NEDD4L: variants seen among roughly 807,000 people sequenced by gnomAD.
NEDD4L encodes the protein E3 ubiquitin-protein ligase NEDD4-like.
NEDD4L carries 54 observed loss-of-function variants against 148.9 expected under a neutral mutation model. The observed-to-expected ratio is 0.36, with a 90% CI of 0.29 to 0.45. The LOEUF (loss-of-function observed/expected upper bound fraction) is 0.45, where lower values mean the gene tolerates loss of function less well. Ranked by LOEUF, NEDD4L falls within the 20% of genes least tolerant of loss-of-function variation. The pLI, the probability that NEDD4L is intolerant of heterozygous loss-of-function variation, is 1.00. For missense variants in NEDD4L, 856 were observed against 1,233.8 expected, an observed-to-expected ratio of 0.69 and a Z score of 4.59; for synonymous variants, 433 against 440.7, an observed-to-expected ratio of 0.98 and a Z score of 0.22.
chr18:58,343,436 A>G (rs1183262209), intron 16 of NEDD4L, among the ~76,000 whole-genome samples: 1 of 152,224 alleles, frequency 6.6e-6, no homozygotes, highest in African/African-American at 2.4e-5. Context: ...TAATCTCACT[A>G]GGAGTTATAA....
chr18:58,102,158 CTCA>C (rs1332081164), intron 1 of NEDD4L, among the ~76,000 whole-genome samples: 1 of 151,912 alleles, frequency 6.6e-6, no homozygotes, highest in African/African-American at 2.4e-5. Flanking sequence ...TTCCTTTCTT[CTCA>C]TCTTCTTCCC....
chr18:58,283,873 G>A (rs1568572455), intron 5 of NEDD4L, among the ~76,000 whole-genome samples: 1 of 152,180 alleles, frequency 6.6e-6, no homozygotes, highest in Non-Finnish European at 1.5e-5. Flanking sequence ...CCATGAATGT[G>A]GACCCTAATC....
intron 1 of NEDD4L, among the ~76,000 whole-genome samples, chr18:58,129,923 A>C (rs1174013103): frequency 2.4e-5 from 3 of 126,666 alleles, no homozygotes; most frequent in Non-Finnish European, 4.7e-5. Flanking sequence ...GTTGTGATCT[A>C]GTGGAACTGT....
intron 1 of NEDD4L, among the ~76,000 whole-genome samples, chr18:58,118,026 G>T (rs776660974): frequency 5.3e-5 from 8 of 152,210 alleles, no homozygotes; most frequent in South Asian, 2.1e-4. Context: ...CTTGACACTG[G>T]AGACTGCACC....
intron 2 of NEDD4L, among the ~76,000 whole-genome samples, chr18:58,200,051 G>T (rs1414114410): frequency 6.6e-6 from 1 of 152,160 alleles, no homozygotes; most frequent in African/African-American, 2.4e-5. Context: ...CTGCCATTTT[G>T]TTAACAGATA....
At chr18:58,150,774 A>G (rs1254037199) in intron 1 of NEDD4L, among the ~76,000 whole-genome samples, 1 of 152,120 alleles carries the variant, frequency 6.6e-6, no homozygotes, top group East Asian at 1.9e-4. Flanking sequence ...AGCATGGCCC[A>G]CACTTGTTGG....
chr18:58,131,819 A>T (rs1256636650), intron 1 of NEDD4L, among the ~76,000 whole-genome samples: 1 of 152,132 alleles, frequency 6.6e-6, no homozygotes, highest in Non-Finnish European at 1.5e-5. Context: ...TTGTGTGCAG[A>T]TGCTTCTTGG....
chr18:58,334,819 G>A (rs1364134781), intron 12 of NEDD4L, among the ~76,000 whole-genome samples: 2 of 152,098 alleles, frequency 1.3e-5, no homozygotes, highest in African/African-American at 4.8e-5. Context: ...GAGTATACTA[G>A]TCAAGGAAGC....
chr18:58,093,000 A>G (rs780773123), intron 1 of NEDD4L, among the ~76,000 whole-genome samples: 1 of 151,852 alleles, frequency 6.6e-6, no homozygotes, highest in Non-Finnish European at 1.5e-5. Context: ...AGCTGGGACT[A>G]CAGGTGCCCG....
chr18:58,254,909 T>C (rs2048331295), intron 5 of NEDD4L, among the ~76,000 whole-genome samples: 1 of 152,230 alleles, frequency 6.6e-6, no homozygotes, highest in African/African-American at 2.4e-5. Flanking sequence ...ACACTAACTC[T>C]GTAGGGTGTG....
intron 18 of NEDD4L, among the ~76,000 whole-genome samples, chr18:58,352,962 C>CT (rs781466347): frequency 1.7e-4 from 26 of 152,242 alleles, no homozygotes; most frequent in Non-Finnish European, 3.1e-4. Flanking sequence ...AAATCACTGA[C>CT]TATTTCACTT....
At chr18:58,327,020 C>A (rs2059368406) in intron 9 of NEDD4L, among the ~76,000 whole-genome samples, 1 of 152,200 alleles carries the variant, frequency 6.6e-6, no homozygotes, top group Admixed American at 6.5e-5. Flanking sequence ...GAGAAACCAT[C>A]TTTGGTGGCA....
intron 2 of NEDD4L, among the ~76,000 whole-genome samples, chr18:58,178,510 TTTAGA>T (rs2038436197): frequency 6.6e-6 from 1 of 152,254 alleles, no homozygotes; most frequent in Non-Finnish European, 1.5e-5. Context: ...GCAGACATAA[TTTAGA>T]TGAGTGTATT....
At chr18:58,229,178 T>C (rs1323112033) in intron 2 of NEDD4L, among the ~76,000 whole-genome samples, 1 of 152,248 alleles carries the variant, frequency 6.6e-6, no homozygotes, top group African/African-American at 2.4e-5. Context: ...GACTGCAGAA[T>C]ATATACAGTG....
At chr18:58,073,107 A>G (rs967169730) in intron 1 of NEDD4L, among the ~76,000 whole-genome samples, 5 of 152,190 alleles carry the variant, frequency 3.3e-5, no homozygotes, top group Non-Finnish European at 5.9e-5. Context: ...TAAAAAACAA[A>G]AGAAAGGACA....
Position 58,084,789 on chromosome 18 carries a change from G to A in NEDD4L, c.48+40081G>A, listed in dbSNP as rs561662426. Among the ~76,000 whole-genome samples, 9 of 151,280 alleles carry A rather than the reference G, an allele frequency of 5.9e-5. No homozygotes were observed. The South Asian group carries it at 1.3e-3, about 21-fold the overall frequency. On this transcript the variant is annotated intron_variant, in intron 1 of 30. Transcript: ENST00000400345. ...GGCTCATTGCAGCCTCAACTTCCTGGGCTCAAGAGATCCTCCCACCCCAGC... is the reference window on the plus strand; with the variant it reads ...GGCTCATTGCAGCCTCAACTTCCTGAGCTCAAGAGATCCTCCCACCCCAGC...
chr18:58,234,147 CTCTT>C (rs1409776671), intron 2 of NEDD4L, among the ~76,000 whole-genome samples: 8 of 141,422 alleles, frequency 5.7e-5, no homozygotes, highest in East Asian at 4.0e-4. Context: ...CTTTCTCTCT[CTCTT>C]TCTTTCTTCT....
Position 58,160,130 on chromosome 18 carries a change from T to G in NEDD4L, c.49-5658T>G, listed in dbSNP as rs541699617. On this transcript the variant is annotated intron_variant, in intron 1 of 30. Transcript: ENST00000400345. ...TTTTGAGTTGGAACTTGAAATTTATTTTACTACAAGAACACTGTTGATGGA... is the reference window on the plus strand; with the variant it reads ...TTTTGAGTTGGAACTTGAAATTTATGTTACTACAAGAACACTGTTGATGGA... Among the ~76,000 whole-genome samples the G allele has an allele frequency of 1.7e-4, 26 of 152,342 alleles. No individual in the cohort carries two copies. In the East Asian group the frequency reaches 5.0e-3, roughly 29 times the overall value.
Position 58,367,635 on chromosome 18 carries a change from A to G in NEDD4L, c.2064-111A>G, listed in dbSNP as rs535577926. 3.5e-5 allele frequency: 41 copies of G among 1,157,004 alleles called. No individual in the cohort carries two copies. The African/African-American group carries it at 5.3e-4, about 15-fold the overall frequency. 71.7% of individuals were successfully genotyped at this position (1,157,004 alleles called of 1,614,324 possible). On this transcript the variant is annotated intron_variant, in intron 21 of 30. Coordinates refer to ENST00000400345, the MANE Select transcript of NEDD4L (RefSeq NM_001144967.3). ...TAGCCCACACATTTTCCCACTAGGTACAGAATGCTCGCAGGGACACTGTAA... is the reference window on the plus strand; with the variant it reads ...TAGCCCACACATTTTCCCACTAGGTGCAGAATGCTCGCAGGGACACTGTAA...
Sources: allele counts gnomAD v4.1 joint callset (sites outside exome capture counted in the v4.1 genomes callset), GRCh38; gene constraint gnomAD v4.1.1; transcripts MANE v1.5; gene names NCBI Gene and HGNC (gene_info 2026-07-23, HGNC 2026-07-21).